Variants in GABRB3 observed in about 807,000 individuals in gnomAD.
GABRB3 encodes the protein gamma-aminobutyric acid receptor subunit beta-3.
GABRB3 carries 14 observed loss-of-function variants against 52.1 expected under a neutral mutation model. The ratio of observed to expected loss-of-function variants is 0.27; its 90% CI spans 0.18 to 0.42. The LOEUF (loss-of-function observed/expected upper bound fraction) is 0.42, where lower values mean the gene tolerates loss of function less well. Among genes scored for constraint, GABRB3 ranks in the 10% least tolerant of loss-of-function variants. The pLI, the probability that GABRB3 is intolerant of heterozygous loss-of-function variation, is 1.00. For synonymous variants in GABRB3, 260 were observed against 232.3 expected, an observed-to-expected ratio of 1.12 and a Z score of -1.08; for missense variants, 307 against 609.1, an observed-to-expected ratio of 0.50 and a Z score of 5.22.
chr15:26,548,229 C>A (rs1889333522), intron 8 of GABRB3, 95 bp from the exon 9 acceptor site: 1 of 981,572 alleles, frequency 1.0e-6, no homozygotes, highest in South Asian at 1.3e-5. Context: ...TCACATGTTG[C>A]ATGTTTTACG....
chr15:26,717,184 C>A (rs950085658), intron 3 of GABRB3, among the ~76,000 whole-genome samples: 7 of 148,640 alleles, frequency 4.7e-5, no homozygotes, highest in African/African-American at 1.7e-4. Flanking sequence ...GGGACCTCCA[C>A]CCTATGACAG....
intron 4 of GABRB3, chr15:26,612,436 A>G (rs1892105742): frequency 6.6e-6 from 1 of 152,218 alleles, no homozygotes; most frequent in Non-Finnish European, 1.5e-5. Context: ...CAAATTGACC[A>G]TGAGCCTTCC....
At chr15:26,656,979 A>G (rs2140602010) in intron 3 of GABRB3, 1 of 152,372 alleles carries the variant, frequency 6.6e-6, no homozygotes, top group South Asian at 2.1e-4. Flanking sequence ...CAGAGTGAAA[A>G]GTAGCACCCT....
At position 26,583,329 on chromosome 15, in the gene GABRB3, C is replaced by A. The variant is rs377463653; in HGVS notation, c.544+3G>T. 1.1e-5 allele frequency: 17 copies of A among 1,609,896 alleles called. No individual in the cohort carries two copies. Among genetic ancestry groups the A allele is most frequent in the Non-Finnish European group, 1.4e-5 (16 of 1,176,324 alleles). ...AGAAAGAAACACAGATACGGATACA[C>A]ACAGCTTTCAATTTCCAGAGTGCAG... On this transcript the variant is annotated splice_donor_region_variant and intron_variant, in intron 5 of 8. Coordinates refer to ENST00000311550, the MANE Select transcript of GABRB3 (RefSeq NM_000814.6).
chr15:26,766,596 A>G (rs1311423248), intron 3 of GABRB3, among the ~76,000 whole-genome samples: 1 of 152,200 alleles, frequency 6.6e-6, no homozygotes, highest in African/African-American at 2.4e-5. Context: ...TATCTTTTGG[A>G]ACTCATTTTA....
At chr15:26,662,277 C>T (rs1887576338) in intron 3 of GABRB3, among the ~76,000 whole-genome samples, 1 of 152,176 alleles carries the variant, frequency 6.6e-6, no homozygotes, top group Non-Finnish European at 1.5e-5. Context: ...AGATTCTGTG[C>T]TTTCAAAGAT....
chr15:26,683,162 G>A (rs1162329649), intron 3 of GABRB3, among the ~76,000 whole-genome samples: 1 of 152,152 alleles, frequency 6.6e-6, no homozygotes, highest in Non-Finnish European at 1.5e-5. Context: ...GTGTGATGCG[G>A]ATTGTAAACA....
chr15:26,705,273 C>A (rs780887199), intron 3 of GABRB3, among the ~76,000 whole-genome samples: 25 of 152,166 alleles, frequency 1.6e-4, no homozygotes, highest in Non-Finnish European at 3.4e-4. Context: ...TTATCAAGCG[C>A]CTTTATAAAG....
intron 7 of GABRB3, among the ~76,000 whole-genome samples, chr15:26,567,360 C>A (rs1385700447): frequency 6.6e-6 from 1 of 152,140 alleles, no homozygotes; most frequent in Non-Finnish European, 1.5e-5. Context: ...CATATTTTCC[C>A]TTTCATGGGC....
At chr15:26,669,104 A>G (rs1191850086) in intron 3 of GABRB3, among the ~76,000 whole-genome samples, 1 of 152,066 alleles carries the variant, frequency 6.6e-6, no homozygotes, top group Non-Finnish European at 1.5e-5. Context: ...CACTCCGTCT[A>G]TCTGTCTGTT....
At chr15:26,687,816 T>C (rs1888455331) in intron 3 of GABRB3, among the ~76,000 whole-genome samples, 1 of 152,228 alleles carries the variant, frequency 6.6e-6, no homozygotes. Flanking sequence ...GTGATGAATG[T>C]TCTTTTCACA....
intron 3 of GABRB3, among the ~76,000 whole-genome samples, chr15:26,729,295 A>G (rs1889848814): frequency 1.3e-5 from 2 of 151,366 alleles, no homozygotes; most frequent in Non-Finnish European, 3.0e-5. Context: ...TAGGTAATAA[A>G]CCTACAGCTT....
At chr15:26,570,824 T>C (rs8040313) in intron 6 of GABRB3, among the ~76,000 whole-genome samples, 7,355 of 152,212 alleles carry the variant, frequency 0.048, 477 homozygotes, top group African/African-American at 0.14. Context: ...CTCATTCATA[T>C]TATTATAATT....
At chr15:26,582,733 A>G (rs1009143292) in intron 5 of GABRB3, among the ~76,000 whole-genome samples, 9 of 152,238 alleles carry the variant, frequency 5.9e-5, no homozygotes, top group Non-Finnish European at 1.3e-4. Flanking sequence ...AATCCAATTG[A>G]GACTAGTTAT....
chr15:26,765,510 C>T (rs1180349982), intron 3 of GABRB3, among the ~76,000 whole-genome samples: 11 of 152,162 alleles, frequency 7.2e-5, no homozygotes, highest in Admixed American at 7.2e-4. Context: ...AGCCCAAATT[C>T]CGAGACATTA....
intron 7 of GABRB3, among the ~76,000 whole-genome samples, chr15:26,565,691 A>C (rs899751227): frequency 6.6e-6 from 1 of 152,174 alleles, no homozygotes; most frequent in Non-Finnish European, 1.5e-5. Context: ...ACAATTAGGG[A>C]GGGACAGAAT....
chr15:26,583,127 C>T (rs895313417), intron 5 of GABRB3, among the ~76,000 whole-genome samples: 3 of 152,184 alleles, frequency 2.0e-5, no homozygotes, highest in East Asian at 3.9e-4. Context: ...TCTATTTCAG[C>T]GCAGCAAACA....
At position 26,547,773 on chromosome 15, in the gene GABRB3, G is replaced by C; in HGVS notation, c.*20C>G. ...TCACTCAGTGTTAAATGAAGTCTTTGAAAAATCAAGTACAGTCACTCAGTT... is the reference window on the plus strand; with the variant it reads ...TCACTCAGTGTTAAATGAAGTCTTTCAAAAATCAAGTACAGTCACTCAGTT... On this transcript the variant is annotated 3_prime_UTR_variant, in exon 9 of 9. Coordinates refer to ENST00000311550, the MANE Select transcript of GABRB3 (RefSeq NM_000814.6). 1 of 1,601,230 alleles carries C rather than the reference G, an allele frequency of 6.2e-7. No individual in the cohort carries two copies. Among genetic ancestry groups the C allele is most frequent in the Non-Finnish European group, 8.6e-7 (1 of 1,168,700 alleles).
chr15:26,564,535 G>A (rs184113509), intron 7 of GABRB3, among the ~76,000 whole-genome samples: 11 of 152,270 alleles, frequency 7.2e-5, no homozygotes, highest in Admixed American at 6.5e-4. Flanking sequence ...GGCCTCTGCC[G>A]AGCCCCACCC....
Sources: allele counts gnomAD v4.1 joint callset (sites outside exome capture counted in the v4.1 genomes callset), GRCh38; gene constraint gnomAD v4.1.1; transcripts MANE v1.5; gene names NCBI Gene and HGNC (gene_info 2026-07-23, HGNC 2026-07-21).